PHF24: variants seen among roughly 807,000 people sequenced by gnomAD.
PHF24 encodes Galpha inhibitory interacting protein.
A neutral mutation model predicts 42.6 loss-of-function variants in PHF24; 25 were observed. The ratio of observed to expected loss-of-function variants is 0.59; its 90% CI spans 0.43 to 0.82. The LOEUF (loss-of-function observed/expected upper bound fraction) is 0.82. Among genes scored for constraint, PHF24 ranks in the 40% least tolerant of loss-of-function variants. The pLI is 0.00. For synonymous variants in PHF24, 185 were observed against 204.8 expected (o/e 0.90, Z 0.83); for missense variants, 470 against 538.1 (o/e 0.87, Z 1.25).
the PHF24 span, chr9:34,728,206 C>CT: frequency 2.4e-5 from 19 of 793,502 alleles, no homozygotes; most frequent in East Asian, 4.9e-4. Context: ...AGTCCGTACT[C>CT]TAAGGCATGT....
At chr9:34,693,281 C>T in the PHF24 span, among the ~76,000 whole-genome samples, 3 of 152,192 alleles carry the variant, frequency 2.0e-5, no homozygotes, top group Non-Finnish European at 4.4e-5. Flanking sequence ...GATAGCATTA[C>T]TTAGGGTCAC....
intron 1 of PHF24, among the ~76,000 whole-genome samples, chr9:34,962,640 G>C (rs1826632544): frequency 6.6e-6 from 1 of 152,242 alleles, no homozygotes; most frequent in Non-Finnish European, 1.5e-5. Context: ...ATTACATGGG[G>C]CTGAATCTGT....
chr9:34,720,447 G>A, the PHF24 span, among the ~76,000 whole-genome samples: 3 of 117,652 alleles, frequency 2.5e-5, no homozygotes, highest in East Asian at 2.4e-4. Flanking sequence ...GCGAGACTCC[G>A]TCTCAAAAAA....
At chr9:34,741,351 CT>C in the PHF24 span, among the ~76,000 whole-genome samples, 2 of 151,652 alleles carry the variant, frequency 1.3e-5, no homozygotes, top group Admixed American at 1.3e-4. Flanking sequence ...CTTTTCTTTT[CT>C]TTTTCTTTTT....
chr9:34,936,398 T>TG, the PHF24 span, among the ~76,000 whole-genome samples: 1 of 152,310 alleles, frequency 6.6e-6, no homozygotes, highest in African/African-American at 2.4e-5. Context: ...TGGAATGCAG[T>TG]GGCGTGATCT....
the PHF24 span, among the ~76,000 whole-genome samples, chr9:34,755,763 A>G: frequency 6.6e-6 from 1 of 152,158 alleles, no homozygotes; most frequent in Non-Finnish European, 1.5e-5. Context: ...TTCCTGCCTC[A>G]GCCACCCAAT....
chr9:34,874,628 G>T, the PHF24 span, among the ~76,000 whole-genome samples: 2 of 151,992 alleles, frequency 1.3e-5, no homozygotes, highest in Admixed American at 6.6e-5. Context: ...TAAATAAGTT[G>T]TTTCTGCCTC....
At chr9:34,886,750 A>C in the PHF24 span, among the ~76,000 whole-genome samples, 1 of 146,580 alleles carries the variant, frequency 6.8e-6, no homozygotes, top group African/African-American at 2.6e-5. Flanking sequence ...CTATCTATCT[A>C]TCTATCTGTC....
chr9:34,728,807 CT>C, the PHF24 span, among the ~76,000 whole-genome samples: 1 of 152,146 alleles, frequency 6.6e-6, no homozygotes. Context: ...CCTATTCCAC[CT>C]TTTTACCCCA....
the PHF24 span, among the ~76,000 whole-genome samples, chr9:34,796,493 A>T: frequency 6.6e-6 from 1 of 152,212 alleles, no homozygotes; most frequent in Non-Finnish European, 1.5e-5. Context: ...CTACATTTTT[A>T]AAAACTTTCA....
the PHF24 span, among the ~76,000 whole-genome samples, chr9:34,782,002 T>G: frequency 6.6e-6 from 1 of 152,178 alleles, no homozygotes; most frequent in Non-Finnish European, 1.5e-5. Flanking sequence ...TAGGCAAAAA[T>G]GTCCAAATCT....
the PHF24 span, chr9:34,918,216 C>A: frequency 6.7e-7 from 1 of 1,483,746 alleles, no homozygotes; most frequent in South Asian, 1.1e-5. Flanking sequence ...CAACTGTGAC[C>A]CCTTTTCGGT....
intron 1 of PHF24, among the ~76,000 whole-genome samples, chr9:34,965,448 A>C (rs566744953): frequency 6.6e-6 from 1 of 152,358 alleles, no homozygotes; most frequent in South Asian, 2.1e-4. Flanking sequence ...GGTCTACAAG[A>C]TTGAACCATC....
chr9:34,831,224 G>A, the PHF24 span, among the ~76,000 whole-genome samples: 3 of 152,304 alleles, frequency 2.0e-5, no homozygotes, highest in South Asian at 2.1e-4. Context: ...CTGTGGTGCC[G>A]TCCTTGGCAG....
the PHF24 span, among the ~76,000 whole-genome samples, chr9:34,816,624 G>A: frequency 1.3e-5 from 2 of 152,046 alleles, no homozygotes; most frequent in Non-Finnish European, 2.9e-5. Context: ...CAGTTCTCTG[G>A]GGACTCTTTT....
chr9:34,921,185 T>A, the PHF24 span, among the ~76,000 whole-genome samples: 5 of 152,040 alleles, frequency 3.3e-5, no homozygotes, highest in African/African-American at 1.2e-4. Context: ...TTGTTTTTTT[T>A]TTCCATTCTT....
At chr9:34,734,826 A>G in the PHF24 span, among the ~76,000 whole-genome samples, 1 of 152,202 alleles carries the variant, frequency 6.6e-6, no homozygotes, top group Non-Finnish European at 1.5e-5. Context: ...CCAGGCTAAT[A>G]AGCATTAAGT....
chr9:34,971,540 G>A lies in PHF24; in HGVS notation c.242G>A (p.Arg81Gln), dbSNP rs374394658. The A allele has an allele frequency of 8.1e-6, 13 of 1,614,148 alleles. No homozygotes were observed. Among genetic ancestry groups the A allele is most frequent in the East Asian group, 2.2e-5 (1 of 44,884 alleles). ...AGTGCCGGCCGCGCAGCCTGGGAGC[G>A]GCTCCGAGATGGGCGCGGCGTGGAG... Residue 81 changes from arginine to glutamine, a missense_variant, in exon 2 of 8, where the codon CGG becomes CAG. By Grantham distance (43) the Arg-to-Gln change is conservative. Coordinates refer to ENST00000242315, the Ensembl canonical transcript of PHF24.
chr9:34,694,109 T>G, the PHF24 span, among the ~76,000 whole-genome samples: 1 of 150,986 alleles, frequency 6.6e-6, no homozygotes, highest in Non-Finnish European at 1.5e-5. Flanking sequence ...GGCCCACTGA[T>G]CTACAGTGAT....
Sources: gnomAD v4.1 joint callset for allele counts (sites outside exome capture counted in the v4.1 genomes callset) on GRCh38, gnomAD v4.1.1 for gene constraint, MANE v1.5 for transcripts, NCBI Gene and HGNC (gene_info 2026-07-23, HGNC 2026-07-21) for gene names.